ARHGAP15: variants seen among roughly 807,000 people sequenced by gnomAD.
The protein encoded by ARHGAP15 is rho GTPase-activating protein 15.
ARHGAP15 carries 51 observed loss-of-function variants against 63.7 expected under a neutral mutation model. That is an observed-to-expected ratio of 0.80 (90% confidence interval 0.64 to 1.01). ARHGAP15 has a LOEUF of 1.01. Ranked by LOEUF, ARHGAP15 falls within the 50% of genes least tolerant of loss-of-function variation. ARHGAP15 has a pLI of 0.00. For missense variants in ARHGAP15, 560 were observed against 564.6 expected, an observed-to-expected ratio of 0.99 and a Z score of 0.08; for synonymous variants, 191 against 193.8, an observed-to-expected ratio of 0.99 and a Z score of 0.12.
At chr2:143,135,667 T>C (rs186770189) in intron 1 of ARHGAP15, among the ~76,000 whole-genome samples, 1 of 152,304 alleles carries the variant, frequency 6.6e-6, no homozygotes, top group East Asian at 1.9e-4. Context: ...TTTGATGCTA[T>C]CGAACCCTCC....
In ARHGAP15 at chr2:143,709,200, C is replaced by T. The variant is rs539069925; in HGVS notation, c.1244+5676C>T. On this transcript the variant is annotated intron_variant, in intron 13 of 13. Transcript: ENST00000295095. ...CACAGAGCTAAATTTAACTAGTTGA[C>T]CAGATTTCCTTTGTGGCATGCATTT... Among the ~76,000 whole-genome samples the T allele has an allele frequency of 3.3e-5, 5 of 152,172 alleles. No individual in the cohort carries two copies. The South Asian group carries it at 8.3e-4, about 25-fold the overall frequency.
chr2:143,226,233 T>C (rs1693208650), intron 4 of ARHGAP15, among the ~76,000 whole-genome samples: 1 of 152,212 alleles, frequency 6.6e-6, no homozygotes, highest in African/African-American at 2.4e-5. Flanking sequence ...ACCAGTTCCA[T>C]TTCCAAGTTT....
rs1693318804 is a variant in ARHGAP15, at chr2:143,228,664, A to G, written c.380A>G (p.Asn127Ser). The change falls in exon 5 of 14, where the codon AAT becomes AGT. Residue 127 changes from asparagine (N) to serine (S), a missense_variant. Transcript: ENST00000295095. The part of the protein sequence containing the change: ...YKESKQQALS[N>S]MKTGHKPESV... ...GAATCCAAGCAACAGGCTCTGTCCA[A>G]TATGGTAAGTAATTCTCTGTTTCTA... 1 of 1,563,630 alleles carries G rather than the reference A, an allele frequency of 6.4e-7. No homozygotes were observed. Among genetic ancestry groups the G allele is most frequent in the East Asian group, 2.3e-5 (1 of 42,904 alleles).
At chr2:143,216,308 T>C (rs1692754219) in intron 3 of ARHGAP15, 76 bp from the exon 4 acceptor site, 1 of 1,150,760 alleles carries the variant, frequency 8.7e-7, no homozygotes, top group Admixed American at 2.2e-5. Flanking sequence ...CAATGACTCT[T>C]GAAAAGCATA....
chr2:143,320,848 G>A (rs1232634349), intron 6 of ARHGAP15, among the ~76,000 whole-genome samples: 1 of 152,108 alleles, frequency 6.6e-6, no homozygotes, highest in Non-Finnish European at 1.5e-5. Context: ...GATTCATATT[G>A]CTGCAGAGCT....
At chr2:143,218,813 T>C (rs6430012) in intron 4 of ARHGAP15, among the ~76,000 whole-genome samples, 26,339 of 152,084 alleles carry the variant, frequency 0.17, 2,481 homozygotes, top group Middle Eastern at 0.25. Context: ...ACATTTACAG[T>C]ATGTTGCTGT....
intron 5 of ARHGAP15, among the ~76,000 whole-genome samples, chr2:143,241,518 T>C (rs543787788): frequency 3.6e-4 from 55 of 151,984 alleles, no homozygotes; most frequent in African/African-American, 1.3e-3. Context: ...GAGGGAAGGG[T>C]AAAGGGAGAA....
intron 6 of ARHGAP15, among the ~76,000 whole-genome samples, chr2:143,299,205 C>T (rs993863075): frequency 3.9e-5 from 6 of 151,922 alleles, no homozygotes; most frequent in African/African-American, 1.4e-4. Flanking sequence ...ATGAAACATA[C>T]TTGAACAAAT....
chr2:143,432,460 A>G (rs2105081371), intron 6 of ARHGAP15, among the ~76,000 whole-genome samples: 1 of 152,174 alleles, frequency 6.6e-6, no homozygotes, highest in South Asian at 2.1e-4. Context: ...TAAAATCTAA[A>G]ACGCAAATTT....
At chr2:143,229,562 T>C (rs1003429188) in intron 5 of ARHGAP15, among the ~76,000 whole-genome samples, 2 of 152,074 alleles carry the variant, frequency 1.3e-5, no homozygotes, top group Admixed American at 6.6e-5. Flanking sequence ...AGGCAACATA[T>C]CTGACAGCCT....
intron 12 of ARHGAP15, among the ~76,000 whole-genome samples, chr2:143,643,423 A>ACC (rs199547868): frequency 5.4e-4 from 34 of 63,412 alleles, no homozygotes; most frequent in Non-Finnish European, 7.0e-4. Flanking sequence ...CCTCCCCTCC[A>ACC]CCCACCCCCC....
intron 6 of ARHGAP15, among the ~76,000 whole-genome samples, chr2:143,346,871 A>G (rs1199536483): frequency 6.6e-6 from 1 of 152,176 alleles, no homozygotes; most frequent in South Asian, 2.1e-4. Context: ...ACTGACACAT[A>G]TAAAAATGAT....
intron 12 of ARHGAP15, among the ~76,000 whole-genome samples, chr2:143,670,911 G>A (rs11685813): frequency 0.61 from 92,543 of 152,044 alleles, 29,446 homozygotes; most frequent in Non-Finnish European, 0.7. Flanking sequence ...AGGCTAAACA[G>A]CAGGCCAAGG....
chr2:143,730,155 A>G (rs1685462133), intron 13 of ARHGAP15, among the ~76,000 whole-genome samples: 1 of 152,262 alleles, frequency 6.6e-6, no homozygotes, highest in African/African-American at 2.4e-5. Context: ...TGTTAGTAAC[A>G]TGACTGGGCA....
chr2:143,728,500 C>T (rs1050809142), intron 13 of ARHGAP15, among the ~76,000 whole-genome samples: 6 of 152,048 alleles, frequency 3.9e-5, no homozygotes, highest in African/African-American at 1.2e-4. Flanking sequence ...TGACATGCCC[C>T]GTACCAATGA....
At chr2:143,686,044 G>C (rs1683323151) in intron 12 of ARHGAP15, among the ~76,000 whole-genome samples, 2 of 152,036 alleles carry the variant, frequency 1.3e-5, no homozygotes, top group African/African-American at 4.8e-5. Context: ...CCAGTGAAAA[G>C]GTCCATTGCT....
At chr2:143,519,769 A>C (rs1376317799) in intron 10 of ARHGAP15, among the ~76,000 whole-genome samples, 1 of 152,210 alleles carries the variant, frequency 6.6e-6, no homozygotes, top group Non-Finnish European at 1.5e-5. Flanking sequence ...TAGCATTCTG[A>C]ATCACAGACA....
intron 12 of ARHGAP15, among the ~76,000 whole-genome samples, chr2:143,655,622 G>A (rs1681395736): frequency 6.6e-6 from 1 of 152,090 alleles, no homozygotes; most frequent in Non-Finnish European, 1.5e-5. Context: ...TTTAGCTTTT[G>A]TATATTACAG....
chr2:143,178,248 G>A (rs1011862633), intron 2 of ARHGAP15, among the ~76,000 whole-genome samples: 12 of 152,164 alleles, frequency 7.9e-5, no homozygotes, highest in African/African-American at 2.9e-4. Context: ...CTAGAGGGCA[G>A]AGACTATATA....
Sources: gnomAD v4.1 joint callset for allele counts (sites outside exome capture counted in the v4.1 genomes callset) on GRCh38, gnomAD v4.1.1 for gene constraint, MANE v1.5 for transcripts, NCBI Gene and HGNC (gene_info 2026-07-23, HGNC 2026-07-21) for gene names.